The following ERBB2 variants were observed in gnomAD, a reference collection of about 807,000 sequenced individuals.
ERBB2 encodes erb-b2 receptor tyrosine kinase 2, also known as receptor tyrosine-protein kinase erbB-2.
Under a neutral mutation model 149.0 loss-of-function variants are expected in ERBB2, and 61 were observed. The ratio of observed to expected loss-of-function variants is 0.41; its 90% CI spans 0.33 to 0.51. The LOEUF is 0.51. ERBB2 is among the 20% of genes least tolerant of loss of function. ERBB2 has a pLI of 0.25. For missense variants in ERBB2, 1,205 were observed against 1,655.1 expected, an observed-to-expected ratio of 0.73 and a Z score of 4.72; for synonymous variants, 633 against 678.8, an observed-to-expected ratio of 0.93 and a Z score of 1.05.
chr17:39,697,385 C>T (rs1311240741), upstream of ERBB2, among the ~76,000 whole-genome samples: 8 of 114,758 alleles, frequency 7.0e-5, no homozygotes, highest in South Asian at 2.9e-4. Context: ...GACAGAGTTT[C>T]GCTCTTGTTG....
chr17:39,695,386 T>A (rs1187224720), upstream of ERBB2, among the ~76,000 whole-genome samples: 12 of 151,990 alleles, frequency 7.9e-5, no homozygotes, highest in Admixed American at 7.9e-4. Context: ...CTCCCCATGG[T>A]TAGGATACAA....
chr17:39,716,946 G>A, intron 14 of ERBB2: 2 of 462,814 alleles, frequency 4.3e-6, no homozygotes, highest in South Asian at 5.5e-5. Context: ...AATGGGTATT[G>A]TAATAATACC....
chr17:39,703,548 A>G (rs904848345), intron 1 of ERBB2: 1 of 152,242 alleles, frequency 6.6e-6, no homozygotes, highest in Non-Finnish European at 1.5e-5. Flanking sequence ...TCATTACCTC[A>G]TTTAACTCTC....
intron 1 of ERBB2, among the ~76,000 whole-genome samples, chr17:39,700,521 C>T (rs2058036117): frequency 6.6e-6 from 1 of 152,226 alleles, no homozygotes; most frequent in East Asian, 1.9e-4. Context: ...GATGGCCCAT[C>T]CAAGAGACTG....
Position 39,712,029 on chromosome 17 carries a change from A to G in ERBB2, c.1003A>G (p.Ser335Gly), listed in dbSNP as rs2145562411. 6.2e-7 allele frequency: 1 copy of G among 1,614,042 alleles called. No homozygotes were observed. Among genetic ancestry groups the G allele is most frequent in the Non-Finnish European group, 8.5e-7 (1 of 1,179,986 alleles). ...EDGTQRCEKC[S>G]KPCARVCYGL... Reference sequence around the variant, plus strand: ...TGGAACACAGCGGTGTGAGAAGTGCAGCAAGCCCTGTGCCCGAGGTACCCA... The same window carrying G: ...TGGAACACAGCGGTGTGAGAAGTGCGGCAAGCCCTGTGCCCGAGGTACCCA... Residue 335 changes from serine (S) to glycine (G), a missense_variant, in exon 8 of 27, where the codon AGC becomes GGC. Physicochemically the swap from Ser to Gly is moderately conservative, Grantham distance 56. Transcript: ENST00000269571.
At chr17:39,707,248 T>G in intron 2 of ERBB2, 107 bp downstream of exon 2, 1 of 1,007,096 alleles carries the variant, frequency 9.9e-7, no homozygotes, top group Non-Finnish European at 1.4e-6. Flanking sequence ...TTTCCTCTCT[T>G]GTTGTGGTTT....
chr17:39,708,520 T>C lies in ERBB2; in HGVS notation c.425T>C (p.Leu142Pro). Residue 142 changes from leucine (L) to proline (P), a missense_variant, in exon 3 of 27, where the codon CTT (leucine) becomes CCT (proline). Leu to Pro is a moderately conservative substitution (Grantham distance 98). Transcript: ENST00000269571. ...ASPGGLRELQLRSLTEILKGG... is the reference protein window; with the variant it reads ...ASPGGLRELQPRSLTEILKGG... ...CCAGGAGGCCTGCGGGAGCTGCAGC[T>C]TCGAAGCCTCACAGGTGGCCTTCAC... The C allele has an allele frequency of 1.9e-6, 3 of 1,613,938 alleles. No homozygotes were observed. The highest frequency in any genetic ancestry group is 2.5e-6 in the Non-Finnish European group (3 of 1,179,886).
At position 39,725,502 on chromosome 17, in the gene ERBB2, G is replaced by A; in HGVS notation, c.2725+100G>A. 7.6e-7 allele frequency: 1 copy of A among 1,312,930 alleles called. No homozygotes were observed. 81.3% of individuals were successfully genotyped at this position (1,312,930 alleles called of 1,614,324 possible). On this transcript the variant is annotated intron_variant, in intron 22 of 26. Coordinates refer to ENST00000269571, the MANE Select transcript of ERBB2 (RefSeq NM_004448.4). This position sits in a 1 kb window ranked among gnomAD's most constrained non-coding sequence, Gnocchi z 4.6. ...GAATTACGGGGCCACCTCAGCATGT[G>A]AAGGGAGGGAAGGGGCTGCCTGTGC...
intron 1 of ERBB2, among the ~76,000 whole-genome samples, chr17:39,703,827 A>G (rs2058254230): frequency 6.6e-6 from 1 of 152,252 alleles, no homozygotes; most frequent in African/African-American, 2.4e-5. Flanking sequence ...GGGCTGTGAC[A>G]TTATGGGTCT....
At chr17:39,719,876 T>TC in intron 16 of ERBB2, 42 bp downstream of exon 16, 1 of 1,594,840 alleles carries the variant, frequency 6.3e-7, no homozygotes, top group African/African-American at 1.3e-5. Context: ...TGCCCTTCAC[T>TC]CCCCCACTGG....
rs928938765 is a variant in ERBB2 at position 39,728,388 on chromosome 17, G to A, written c.*344G>A. The A allele has an allele frequency of 1.3e-5, 4 of 298,484 alleles. No homozygotes were observed. The highest frequency in any genetic ancestry group is 2.5e-5 in the Non-Finnish European group (4 of 160,084). 18.5% of individuals were successfully genotyped at this position (298,484 alleles called of 1,614,324 possible). ...GGGAAGCTGGCCTGAGAGGGGAAGC[G>A]GCCCTAAGGGAGTGTCTAAGAACAA... On this transcript the variant is annotated 3_prime_UTR_variant, in exon 27 of 27. Transcript: ENST00000269571.
At chr17:39,702,131 CTG>C (rs2058146605) in intron 1 of ERBB2, among the ~76,000 whole-genome samples, 1 of 152,186 alleles carries the variant, frequency 6.6e-6, no homozygotes, top group Non-Finnish European at 1.5e-5. Flanking sequence ...AGGCAAAACT[CTG>C]TACAAAAAAT....
intron 5 of ERBB2, 102 bp from the exon 6 acceptor site, chr17:39,709,984 G>T (rs1320757793): frequency 6.0e-6 from 9 of 1,502,092 alleles, no homozygotes; most frequent in Non-Finnish European, 8.3e-6. Context: ...AACAGGCTTG[G>T]GATGTCTCCC....
upstream of ERBB2, chr17:39,700,037 T>C: frequency 7.9e-7 from 1 of 1,266,634 alleles, no homozygotes; most frequent in African/African-American, 1.5e-5. Context: ...TGAGGAAGTA[T>C]AAGAATGAAG....
chr17:39,693,044 A>G (rs2057748617), upstream of ERBB2, among the ~76,000 whole-genome samples: 1 of 152,212 alleles, frequency 6.6e-6, no homozygotes, highest in African/African-American at 2.4e-5. Flanking sequence ...CCTGGGCAAC[A>G]GAGCAAGTCT....
At position 39,723,754 on chromosome 17, in the gene ERBB2, G is replaced by A; in HGVS notation, c.2208+94G>A. On this transcript the variant is annotated intron_variant, in intron 18 of 26. Coordinates refer to ENST00000269571, the MANE Select transcript of ERBB2 (RefSeq NM_004448.4). The surrounding 1 kb of genome is among the most constrained non-coding windows in gnomAD (Gnocchi z 6.2). ...AGTTCTGATGGGAGGGGCAAGAGCT[G>A]GAGGCAGTGTTTGGGGGAGGGCAGT... 1.3e-6 allele frequency: 2 copies of A among 1,537,628 alleles called. No homozygotes were observed. The highest frequency in any genetic ancestry group is 1.8e-6 in the Non-Finnish European group (2 of 1,135,900).
intron 15 of ERBB2, among the ~76,000 whole-genome samples, chr17:39,718,904 T>G (rs1158576241): frequency 6.6e-6 from 1 of 152,218 alleles, no homozygotes; most frequent in Non-Finnish European, 1.5e-5. Flanking sequence ...GCTGGCAATG[T>G]TTATCACAAG....
chr17:39,695,840 T>C (rs1223831939), upstream of ERBB2, among the ~76,000 whole-genome samples: 1 of 151,906 alleles, frequency 6.6e-6, no homozygotes, highest in Non-Finnish European at 1.5e-5. Context: ...CCCAGCCTGT[T>C]GACTTAGAGG....
At chr17:39,698,385 G>A (rs946750374), upstream of ERBB2, among the ~76,000 whole-genome samples, 2 of 151,620 alleles carry the variant, frequency 1.3e-5, no homozygotes, top group African/African-American at 4.9e-5. Flanking sequence ...TCAGCCTCCT[G>A]AGTAGCTGGG....
Sources: gnomAD v4.1 joint callset for allele counts (sites outside exome capture counted in the v4.1 genomes callset) on GRCh38, gnomAD v4.1.1 for gene constraint, Gnocchi (gnomAD v3.1) non-coding constraint, MANE v1.5 for transcripts, NCBI Gene and HGNC (gene_info 2026-07-23, HGNC 2026-07-21) for gene names.